Variants in SHISA9 observed in about 807,000 individuals in gnomAD.
The protein encoded by SHISA9 is protein shisa-9.
SHISA9 carries 13 observed loss-of-function variants against 38.0 expected under a neutral mutation model. That is an observed-to-expected ratio of 0.34 (90% CI 0.22 to 0.54). The LOEUF is 0.54. SHISA9 is among the 20% of genes least tolerant of loss of function. SHISA9 has a pLI of 0.91. For missense variants in SHISA9, 538 were observed against 575.8 expected (o/e 0.93, Z 0.67); for synonymous variants, 275 against 242.0 (o/e 1.14, Z -1.27).
At chr16:13,009,098 A>ATT (rs11294823) in intron 2 of SHISA9, among the ~76,000 whole-genome samples, 89 of 146,650 alleles carry the variant, frequency 6.1e-4, no homozygotes, top group African/African-American at 2.0e-3. Context: ...GTGTGTGTGT[A>ATT]TTTTTTTTTT....
At chr16:13,286,768 A>C in the SHISA9 span, among the ~76,000 whole-genome samples, 1 of 152,186 alleles carries the variant, frequency 6.6e-6, no homozygotes, top group African/African-American at 2.4e-5. Context: ...TGAAGTTAGC[A>C]TAAGCCCAAA....
At chr16:13,530,714 A>G in the SHISA9 span, among the ~76,000 whole-genome samples, 1 of 152,100 alleles carries the variant, frequency 6.6e-6, no homozygotes, top group Admixed American at 6.6e-5. Context: ...TCCTTACAGA[A>G]GAAGCATGAT....
chr16:12,908,362 A>G, intron 1 of SHISA9: 3 of 1,477,516 alleles, frequency 2.0e-6, no homozygotes, highest in South Asian at 1.3e-5. Context: ...ACTACGTTAA[A>G]TACATTGCAA....
At chr16:12,943,312 TGTGTGTGTGTGTGTGTGTGAGAGAGA>T (rs2071639647) in intron 2 of SHISA9, among the ~76,000 whole-genome samples, 40 of 57,728 alleles carry the variant, frequency 6.9e-4, no homozygotes, top group South Asian at 1.9e-3. Flanking sequence ...TGTGTGTGTG[TGTGTGTGTGTGTGTGTGTGAGAGAGA>T]GAGAGAGAGA....
At chr16:12,915,793 T>TA (rs918342668) in intron 1 of SHISA9, among the ~76,000 whole-genome samples, 2 of 152,176 alleles carry the variant, frequency 1.3e-5, no homozygotes, top group African/African-American at 4.8e-5. Flanking sequence ...AGGTTTAGGG[T>TA]AAAAACACTG....
chr16:12,943,261 T>C (rs1271159796), intron 2 of SHISA9, among the ~76,000 whole-genome samples: 1 of 129,558 alleles, frequency 7.7e-6, no homozygotes, highest in Non-Finnish European at 1.6e-5. Context: ...AGAATTATAA[T>C]GGAACAGAGT....
the SHISA9 span, among the ~76,000 whole-genome samples, chr16:13,316,300 A>G: frequency 2.0e-5 from 3 of 152,168 alleles, no homozygotes; most frequent in Non-Finnish European, 4.4e-5. Flanking sequence ...AGAGTGATTT[A>G]TTGCAACTGG....
intron 2 of SHISA9, among the ~76,000 whole-genome samples, chr16:12,972,245 T>C (rs757830491): frequency 6.6e-6 from 1 of 152,166 alleles, no homozygotes; most frequent in Non-Finnish European, 1.5e-5. Flanking sequence ...CTGGAAAGAA[T>C]ATTTTAATTA....
intron 4 of SHISA9, among the ~76,000 whole-genome samples, chr16:13,226,350 T>C (rs1295256218): frequency 6.6e-6 from 1 of 152,200 alleles, no homozygotes. Context: ...ACCAGTTCAG[T>C]GCCTACACTG....
chr16:13,466,678 A>G, the SHISA9 span, among the ~76,000 whole-genome samples: 3 of 152,232 alleles, frequency 2.0e-5, no homozygotes, highest in Admixed American at 1.3e-4. Flanking sequence ...TATTTTGTTA[A>G]AAATACATTT....
chr16:13,439,484 T>G, the SHISA9 span, among the ~76,000 whole-genome samples: 1 of 152,208 alleles, frequency 6.6e-6, no homozygotes, highest in African/African-American at 2.4e-5. Context: ...ACCTTAAATA[T>G]ATACAATTTT....
the SHISA9 span, among the ~76,000 whole-genome samples, chr16:13,519,611 C>T: frequency 2.0e-5 from 3 of 152,232 alleles, no homozygotes; most frequent in East Asian, 3.9e-4. Context: ...TGAAGAAATA[C>T]CCGAGACTGG....
chr16:13,223,442 GT>G (rs2051248890), intron 4 of SHISA9, among the ~76,000 whole-genome samples: 1 of 151,964 alleles, frequency 6.6e-6, no homozygotes, highest in South Asian at 2.1e-4. Context: ...TCCAAACTTT[GT>G]TATCTGTCAT....
intron 2 of SHISA9, among the ~76,000 whole-genome samples, chr16:12,940,995 A>T (rs2071603049): frequency 6.6e-6 from 1 of 152,150 alleles, no homozygotes. Flanking sequence ...TTTGCTACCA[A>T]CCTGGTTTCA....
intron 2 of SHISA9, among the ~76,000 whole-genome samples, chr16:13,145,653 TA>T (rs1388132458): frequency 6.6e-6 from 1 of 152,180 alleles, no homozygotes; most frequent in Non-Finnish European, 1.5e-5. Context: ...TTGAGAGAAT[TA>T]AAGATGAAGT....
intron 2 of SHISA9, among the ~76,000 whole-genome samples, chr16:13,161,342 G>A (rs1264818764): frequency 6.6e-6 from 1 of 152,150 alleles, no homozygotes. Flanking sequence ...ATCTGCCCAT[G>A]TGGCTAGCCT....
At chr16:13,079,149 C>A (rs1337449045) in intron 2 of SHISA9, among the ~76,000 whole-genome samples, 1 of 152,140 alleles carries the variant, frequency 6.6e-6, no homozygotes, top group African/African-American at 2.4e-5. Context: ...AAATGCCGAG[C>A]ACAGCCCTTG....
the SHISA9 span, among the ~76,000 whole-genome samples, chr16:13,319,325 TAC>T: frequency 2.0e-5 from 3 of 152,332 alleles, no homozygotes; most frequent in East Asian, 5.8e-4. Context: ...CATTTATTTT[TAC>T]AAAATGATCT....
chr16:13,181,181 CATA>C (rs930895321), intron 2 of SHISA9, among the ~76,000 whole-genome samples: 3 of 148,734 alleles, frequency 2.0e-5, no homozygotes, highest in African/African-American at 4.9e-5. Context: ...TTTATATAAT[CATA>C]ATAATAATTA....
Sources: allele counts gnomAD v4.1 joint callset (sites outside exome capture counted in the v4.1 genomes callset), GRCh38; gene constraint gnomAD v4.1.1; transcripts MANE v1.5; gene names NCBI Gene and HGNC (gene_info 2026-07-23, HGNC 2026-07-21).